The following GPC6 variants were observed in gnomAD, a reference collection of about 807,000 sequenced individuals.
GPC6 encodes glypican-6.
Under a neutral mutation model 55.2 loss-of-function variants are expected in GPC6, and 14 were observed. The observed-to-expected ratio is 0.25, with a 90% CI of 0.17 to 0.40. The LOEUF is 0.40. GPC6 is among the 10% of genes least tolerant of loss of function. The probability of loss-of-function intolerance (pLI) is 1.00; values close to 1 mark genes in which losing one functional copy is unlikely to be tolerated. For missense variants in GPC6, 641 were observed against 708.5 expected (o/e 0.90, Z 1.08); for synonymous variants, 278 against 259.6 (o/e 1.07, Z -0.68).
At chr13:93,516,346 C>T (rs993964340) in intron 1 of GPC6, among the ~76,000 whole-genome samples, 10 of 152,014 alleles carry the variant, frequency 6.6e-5, no homozygotes, top group African/African-American at 2.4e-4. Flanking sequence ...ATGAAGTCGC[C>T]AAGCCCAATC....
chr13:94,153,205 C>T (rs1887807050), intron 4 of GPC6, among the ~76,000 whole-genome samples: 1 of 151,988 alleles, frequency 6.6e-6, no homozygotes, highest in African/African-American at 2.4e-5. Context: ...CCACTTCTTC[C>T]ATTAATACCC....
intron 1 of GPC6, among the ~76,000 whole-genome samples, chr13:93,516,597 TA>T (rs199898896): frequency 1.3e-5 from 2 of 151,674 alleles, no homozygotes; most frequent in South Asian, 2.1e-4. Context: ...TAATGGGAAA[TA>T]AAAAAAATAA....
intron 1 of GPC6, among the ~76,000 whole-genome samples, chr13:93,264,599 C>A (rs1469467052): frequency 6.6e-6 from 1 of 151,900 alleles, no homozygotes; most frequent in African/African-American, 2.4e-5. Context: ...TCGGTAGAAA[C>A]AAGGTCTCAT....
At chr13:93,316,397 G>GGCTT (rs1206054086) in intron 1 of GPC6, among the ~76,000 whole-genome samples, 1 of 152,008 alleles carries the variant, frequency 6.6e-6, no homozygotes, top group Non-Finnish European at 1.5e-5. Flanking sequence ...CCAAATGTCT[G>GGCTT]GGACACAAAG....
At chr13:94,188,195 G>A (rs1003405622) in intron 4 of GPC6, among the ~76,000 whole-genome samples, 1 of 152,120 alleles carries the variant, frequency 6.6e-6, no homozygotes, top group Non-Finnish European at 1.5e-5. Flanking sequence ...TGTGCACTAA[G>A]GTGCAGCAGT....
intron 3 of GPC6, among the ~76,000 whole-genome samples, chr13:93,870,653 G>A (rs532488104): frequency 1.3e-5 from 2 of 151,872 alleles, no homozygotes; most frequent in East Asian, 3.9e-4. Flanking sequence ...AGATGTTAGG[G>A]TTAGTCCAAA....
chr13:93,842,268 A>G (rs899369879), intron 3 of GPC6, among the ~76,000 whole-genome samples: 1 of 152,188 alleles, frequency 6.6e-6, no homozygotes, highest in African/African-American at 2.4e-5. Flanking sequence ...GGAGAATTCA[A>G]CTGTGCTTGC....
At chr13:94,350,449 G>A (rs1322018421) in intron 6 of GPC6, among the ~76,000 whole-genome samples, 1 of 152,044 alleles carries the variant, frequency 6.6e-6, no homozygotes, top group Non-Finnish European at 1.5e-5. Context: ...CTTAGTCATA[G>A]GAATATACAA....
intron 2 of GPC6, among the ~76,000 whole-genome samples, chr13:93,786,591 A>G (rs1322321656): frequency 2.0e-5 from 3 of 152,272 alleles, no homozygotes; most frequent in African/African-American, 7.2e-5. Flanking sequence ...TTGAAAAAAA[A>G]AAAACCATTT....
chr13:93,965,988 C>G (rs1222571054), intron 3 of GPC6, among the ~76,000 whole-genome samples: 1 of 152,182 alleles, frequency 6.6e-6, no homozygotes, highest in African/African-American at 2.4e-5. Context: ...AGCCCAATAT[C>G]TCCTGCCATG....
At chr13:93,504,633 G>C (rs933988648) in intron 1 of GPC6, among the ~76,000 whole-genome samples, 1 of 151,748 alleles carries the variant, frequency 6.6e-6, no homozygotes, top group Admixed American at 6.6e-5. Context: ...GAATGCATTG[G>C]CTCAAATAGC....
intron 2 of GPC6, among the ~76,000 whole-genome samples, chr13:93,785,310 A>G (rs1346420138): frequency 2.0e-5 from 3 of 152,224 alleles, no homozygotes; most frequent in Non-Finnish European, 4.4e-5. Flanking sequence ...GGTAGAAAAG[A>G]AGAGTATAGT....
chr13:94,209,255 G>A (rs1235099663), intron 4 of GPC6, among the ~76,000 whole-genome samples: 1 of 152,092 alleles, frequency 6.6e-6, no homozygotes, highest in Non-Finnish European at 1.5e-5. Context: ...TCCCTTCCAG[G>A]GCTGTATTCT....
At chr13:93,563,253 A>G (rs1875905351) in intron 2 of GPC6, among the ~76,000 whole-genome samples, 1 of 152,176 alleles carries the variant, frequency 6.6e-6, no homozygotes, top group Non-Finnish European at 1.5e-5. Flanking sequence ...ATCAAGATAG[A>G]CCTAGTTATA....
intron 3 of GPC6, among the ~76,000 whole-genome samples, chr13:93,976,561 A>T (rs549449540): frequency 3.3e-4 from 50 of 151,514 alleles, no homozygotes; most frequent in African/African-American, 1.2e-3. Flanking sequence ...CGGTCTGAAG[A>T]AATTTGAGAG....
chr13:93,887,384 T>C lies in GPC6; in HGVS notation c.711+56839T>C, dbSNP rs373203444. Among the ~76,000 whole-genome samples the C allele has an allele frequency of 3.9e-5, 6 of 152,194 alleles. No individual in the cohort carries two copies. In the South Asian group the frequency reaches 6.2e-4, roughly 16 times the overall value. ...ATCTAAAAAGTAATTTTAATACTTATTAATCAAATTGTTATTTAATTAATA... is the reference window on the plus strand; with the variant it reads ...ATCTAAAAAGTAATTTTAATACTTACTAATCAAATTGTTATTTAATTAATA... On this transcript the variant is annotated intron_variant, in intron 3 of 8. Transcript: ENST00000377047.
chr13:93,294,014 T>G (rs2139084083), intron 1 of GPC6, among the ~76,000 whole-genome samples: 1 of 152,326 alleles, frequency 6.6e-6, no homozygotes, highest in South Asian at 2.1e-4. Context: ...GAATAAGAAC[T>G]TTGTCACAGT....
chr13:94,304,835 TCAA>T (rs1174450420), intron 5 of GPC6, among the ~76,000 whole-genome samples: 2 of 152,192 alleles, frequency 1.3e-5, no homozygotes, highest in African/African-American at 4.8e-5. Context: ...TGAACAGCTG[TCAA>T]CAACAAAATT....
At chr13:93,461,833 C>A (rs1367874685) in intron 1 of GPC6, among the ~76,000 whole-genome samples, 6 of 152,158 alleles carry the variant, frequency 3.9e-5, no homozygotes, top group Admixed American at 3.3e-4. Context: ...TTTTAAAAAT[C>A]TCTTCTTTGC....
Sources: allele counts gnomAD v4.1 joint callset (sites outside exome capture counted in the v4.1 genomes callset), GRCh38; gene constraint gnomAD v4.1.1; transcripts MANE v1.5; gene names NCBI Gene and HGNC (gene_info 2026-07-23, HGNC 2026-07-21).